The following PDLIM5 variants were observed in gnomAD, a reference collection of about 807,000 sequenced individuals.
The protein encoded by PDLIM5 is PDZ and LIM domain 5.
A neutral mutation model predicts 64.2 loss-of-function variants in PDLIM5; 34 were observed. The ratio of observed to expected loss-of-function variants is 0.53; its 90% confidence interval spans 0.40 to 0.71. PDLIM5 has a LOEUF of 0.71. PDLIM5 is among the 30% of genes least tolerant of loss of function. PDLIM5 has a pLI of 0.00. For missense variants in PDLIM5, 683 were observed against 733.6 expected, an observed-to-expected ratio of 0.93 and a Z score of 0.80; for synonymous variants, 253 against 269.1, an observed-to-expected ratio of 0.94 and a Z score of 0.59.
At position 94,575,641 on chromosome 4, in the gene PDLIM5, C is replaced by T. The variant is rs753956622; in HGVS notation, c.317C>T (p.Pro106Leu). 1.6e-5 allele frequency: 25 copies of T among 1,596,016 alleles called. No homozygotes were observed. The highest frequency in any genetic ancestry group is 1.8e-5 in the Non-Finnish European group (21 of 1,168,682). Residue 106 changes from proline to leucine, a missense_variant, in exon 5 of 13, where the codon CCT becomes CTT. Physicochemically the swap from Pro to Leu is moderately conservative, Grantham distance 98. Coordinates refer to ENST00000317968, the MANE Select transcript of PDLIM5 (RefSeq NM_006457.5). ...QKGEPKEVVK[P>L]VPITSPAVSK... ...GGAGAACCTAAAGAAGTAGTTAAAC[C>T]TGTGCCCATTACATCTCCTGCTGTG...
intron 7 of PDLIM5, among the ~76,000 whole-genome samples, chr4:94,589,178 A>T (rs1736482144): frequency 6.6e-6 from 1 of 152,238 alleles, no homozygotes; most frequent in Non-Finnish European, 1.5e-5. Context: ...ATGGTGTGGT[A>T]GAGTAAACAT....
chr4:94,601,905 A>C (rs1050137582), intron 7 of PDLIM5, among the ~76,000 whole-genome samples: 2 of 152,348 alleles, frequency 1.3e-5, no homozygotes, highest in Non-Finnish European at 2.9e-5. Flanking sequence ...CAAACTCAAC[A>C]TATTTATTGT....
chr4:94,477,972 T>G (rs1392822100), intron 2 of PDLIM5, among the ~76,000 whole-genome samples: 1 of 152,116 alleles, frequency 6.6e-6, no homozygotes, highest in Non-Finnish European at 1.5e-5. Flanking sequence ...AAGAATATAG[T>G]ATCAGCCGGG....
chr4:94,663,714 C>T (rs979059298), intron 12 of PDLIM5, among the ~76,000 whole-genome samples: 3 of 152,082 alleles, frequency 2.0e-5, no homozygotes, highest in Non-Finnish European at 4.4e-5. Context: ...ATAAATCTTC[C>T]CTCTGGATAA....
intron 8 of PDLIM5, among the ~76,000 whole-genome samples, chr4:94,629,423 A>G (rs547250095): frequency 6.6e-6 from 1 of 152,294 alleles, no homozygotes. Flanking sequence ...AGAACCAGAT[A>G]TGTTAAGATC....
At chr4:94,640,805 T>C (rs933638665) in intron 9 of PDLIM5, among the ~76,000 whole-genome samples, 1 of 152,142 alleles carries the variant, frequency 6.6e-6, no homozygotes, top group African/African-American at 2.4e-5. Flanking sequence ...CTACAAATTA[T>C]AGAAGTGAGG....
intron 8 of PDLIM5, among the ~76,000 whole-genome samples, chr4:94,629,273 T>TG: frequency 6.6e-6 from 1 of 151,658 alleles, no homozygotes; most frequent in Middle Eastern, 3.2e-3. Context: ...TGCTTGAACC[T>TG]GGGGGGCGGA....
At chr4:94,510,769 A>G (rs1454733044) in intron 2 of PDLIM5, among the ~76,000 whole-genome samples, 1 of 152,154 alleles carries the variant, frequency 6.6e-6, no homozygotes, top group Middle Eastern at 3.2e-3. Flanking sequence ...GCACTTTGGG[A>G]GACTGAGGCA....
chr4:94,666,450 T>C lies in PDLIM5; in HGVS notation c.*2383T>C. ...ATTCTGCATTATTTATCGTTGCTGC[T>C]GAAACCACCTATAAAAGACTTGCTG... is the stretch of plus-strand genomic sequence containing the variant. On this transcript the variant is annotated 3_prime_UTR_variant, in exon 13 of 13. Coordinates refer to ENST00000317968, the MANE Select transcript of PDLIM5 (RefSeq NM_006457.5). 6.1e-6 allele frequency: 1 copy of C among 163,346 alleles called. No homozygotes were observed. Among genetic ancestry groups the C allele is most frequent in the Non-Finnish European group, 1.3e-5 (1 of 75,248 alleles). 10.1% of individuals were successfully genotyped at this position (163,346 alleles called of 1,614,324 possible).
At chr4:94,593,064 T>C (rs1162173130) in intron 7 of PDLIM5, among the ~76,000 whole-genome samples, 1 of 152,194 alleles carries the variant, frequency 6.6e-6, no homozygotes, top group African/African-American at 2.4e-5. Context: ...TTCTAATTTG[T>C]CTTATGGATA....
chr4:94,588,267 G>T (rs909433176), intron 7 of PDLIM5: 1 of 742,332 alleles, frequency 1.3e-6, no homozygotes, highest in Non-Finnish European at 1.6e-6. Flanking sequence ...TAAAATATGG[G>T]TATAAAACAC....
intron 2 of PDLIM5, among the ~76,000 whole-genome samples, chr4:94,458,635 A>G (rs997739882): frequency 2.0e-5 from 3 of 152,306 alleles, no homozygotes; most frequent in South Asian, 4.1e-4. Flanking sequence ...CCAAAGGGTC[A>G]TTTACATTCC....
At chr4:94,549,060 C>G (rs3792662) in intron 3 of PDLIM5, among the ~76,000 whole-genome samples, 10,622 of 152,068 alleles carry the variant, frequency 0.07, 562 homozygotes, top group African/African-American at 0.15. Flanking sequence ...ATTGGTTACT[C>G]TGTTTCCTAT....
Position 94,595,110 on chromosome 4 carries a change from A to G in PDLIM5, c.920+8666A>G, listed in dbSNP as rs538158966. On this transcript the variant is annotated intron_variant, in intron 7 of 12. Transcript: ENST00000317968. ...GTGCCACACACTTTTAAACAACCAG[A>G]TCTCATGAGAACAATCTCACTGTCA... is the stretch of plus-strand genomic sequence containing the variant. Among the ~76,000 whole-genome samples the G allele has an allele frequency of 5.3e-5, 8 of 152,270 alleles. No homozygotes were observed. The South Asian group carries it at 1.0e-3, about 20-fold the overall frequency.
rs558883762 is a variant in PDLIM5, at chr4:94,632,733, A to G, written c.1109-7543A>G. Among the ~76,000 whole-genome samples, 54 of 152,314 alleles carry G rather than the reference A, an allele frequency of 3.5e-4. No individual in the cohort carries two copies. In the South Asian group the frequency reaches 4.1e-3, roughly 12 times the overall value. ...CAAGGGTCTTCAAAAGTGGAAGAGC[A>G]GGGAGGCGGAAGAGAGGATCAGAGT... On this transcript the variant is annotated intron_variant, in intron 8 of 12. Transcript: ENST00000317968.
intron 3 of PDLIM5, 51 bp downstream of exon 3, chr4:94,523,926 T>C: frequency 7.2e-7 from 1 of 1,386,482 alleles, no homozygotes; most frequent in East Asian, 2.3e-5. Flanking sequence ...TTGAGGAATG[T>C]GTTTTTGTGT....
intron 11 of PDLIM5, 139 bp downstream of exon 11, chr4:94,657,686 C>A: frequency 1.8e-6 from 1 of 570,228 alleles, no homozygotes; most frequent in Non-Finnish European, 2.9e-6. Flanking sequence ...CTGCTCTAAG[C>A]ATGTAGAAAA....
In PDLIM5 at chr4:94,565,450, G is replaced by C. The variant is rs557131053; in HGVS notation, c.249-7901G>C. Among the ~76,000 whole-genome samples the C allele has an allele frequency of 5.3e-5, 8 of 152,298 alleles. No individual in the cohort carries two copies. The East Asian group carries it at 9.6e-4, about 18-fold the overall frequency. ...GTATCATGGGGCACACATCAGTCCT[G>C]AAATCTAATTCATTCTGTTATTGGT... On this transcript the variant is annotated intron_variant, in intron 3 of 12. Transcript: ENST00000317968.
At chr4:94,506,708 G>C (rs140223532) in intron 2 of PDLIM5, among the ~76,000 whole-genome samples, 199 of 152,266 alleles carry the variant, frequency 1.3e-3, no homozygotes, top group African/African-American at 4.2e-3. Context: ...TTAATATTAG[G>C]TGTCAACTTG....
Sources: allele counts gnomAD v4.1 joint callset (sites outside exome capture counted in the v4.1 genomes callset), GRCh38; gene constraint gnomAD v4.1.1; transcripts MANE v1.5; gene names NCBI Gene and HGNC (gene_info 2026-07-23, HGNC 2026-07-21).